Variants in RALYL observed in about 807,000 individuals in gnomAD.
RALYL encodes RNA-binding Raly-like protein.
A neutral mutation model predicts 35.1 loss-of-function variants in RALYL; 29 were observed. The observed-to-expected ratio is 0.83, with a 90% CI of 0.61 to 1.13. RALYL has a LOEUF of 1.13. Among genes scored for constraint, RALYL ranks in the 50% most tolerant of loss-of-function variants. The pLI is 0.00. For missense variants in RALYL, 359 were observed against 360.4 expected (o/e 1.00, Z 0.03); for synonymous variants, 120 against 127.6 (o/e 0.94, Z 0.40).
chr8:84,363,638 T>C (rs1304426836), intron 1 of RALYL, among the ~76,000 whole-genome samples: 1 of 152,156 alleles, frequency 6.6e-6, no homozygotes, highest in African/African-American at 2.4e-5. Context: ...TGGCCTTTGA[T>C]CTAACTCTTT....
chr8:84,902,359 G>A (rs1201950503), intron 8 of RALYL, among the ~76,000 whole-genome samples: 2 of 152,140 alleles, frequency 1.3e-5, no homozygotes, highest in African/African-American at 2.4e-5. Flanking sequence ...ACAGCACCAA[G>A]AGGATGGTGC....
chr8:84,416,647 GA>G (rs1222438272), intron 1 of RALYL, among the ~76,000 whole-genome samples: 10 of 152,046 alleles, frequency 6.6e-5, no homozygotes, highest in Non-Finnish European at 1.2e-4. Context: ...TTGTTTTCCT[GA>G]AGGTCATCAA....
At chr8:84,440,534 C>T (rs1587286798) in intron 1 of RALYL, among the ~76,000 whole-genome samples, 2 of 152,008 alleles carry the variant, frequency 1.3e-5, no homozygotes, top group East Asian at 1.9e-4. Flanking sequence ...TGTGTCCCAG[C>T]CCATAGTAAT....
intron 3 of RALYL, among the ~76,000 whole-genome samples, chr8:84,791,800 A>G (rs918477929): frequency 4.9e-4 from 74 of 152,174 alleles, no homozygotes; most frequent in African/African-American, 1.8e-3. Context: ...AAAAAAAAAC[A>G]TTTTTGTCAT....
chr8:84,372,550 C>G (rs1288757489), intron 1 of RALYL, among the ~76,000 whole-genome samples: 4 of 152,026 alleles, frequency 2.6e-5, no homozygotes, highest in Admixed American at 2.6e-4. Context: ...CCAGCCCTCA[C>G]AGCATAGGGA....
intron 1 of RALYL, among the ~76,000 whole-genome samples, chr8:84,318,087 T>A (rs1481679517): frequency 6.6e-6 from 1 of 152,192 alleles, no homozygotes; most frequent in Non-Finnish European, 1.5e-5. Context: ...TATGCCTCTA[T>A]GGTAGGACTG....
intron 4 of RALYL, among the ~76,000 whole-genome samples, chr8:84,827,738 T>C (rs1350338917): frequency 1.3e-5 from 2 of 152,048 alleles, no homozygotes; most frequent in African/African-American, 4.8e-5. Flanking sequence ...CATTTTCTGA[T>C]GAAAATGTTA....
At position 84,897,896 on chromosome 8, in the gene RALYL, G is replaced by T. The variant is rs1470677037; in HGVS notation, c.858+10120G>T. Among the ~76,000 whole-genome samples, 5 of 152,324 alleles carry T rather than the reference G, an allele frequency of 3.3e-5. No homozygotes were observed. In the East Asian group the frequency reaches 9.6e-4, roughly 29 times the overall value. On this transcript the variant is annotated intron_variant, in intron 8 of 8. Coordinates refer to ENST00000521268, the MANE Select transcript of RALYL (RefSeq NM_173848.7). ...GCAACCAGAACAAATAAGTAAAACA[G>T]TATGATAGGTAAAAATGTCACATAA...
intron 1 of RALYL, among the ~76,000 whole-genome samples, chr8:84,453,231 T>A (rs1254106872): frequency 1.3e-5 from 2 of 151,882 alleles, no homozygotes; most frequent in South Asian, 4.1e-4. Flanking sequence ...CACACATATA[T>A]AATTAGAGCT....
intron 2 of RALYL, among the ~76,000 whole-genome samples, chr8:84,637,647 G>C (rs1388355453): frequency 6.6e-6 from 1 of 151,856 alleles, no homozygotes; most frequent in Non-Finnish European, 1.5e-5. Context: ...ATGAGGGAAA[G>C]GTACTCAGTA....
Position 84,183,294 on chromosome 8 carries a change from G to A in RALYL, c.-1154G>A. On this transcript the variant is annotated 5_prime_UTR_variant, in exon 1 of 9. Coordinates refer to ENST00000521268, the MANE Select transcript of RALYL (RefSeq NM_173848.7). ...GGCTCACAGCGAAGGCAGCCTCGCC[G>A]CGAGCTGCCGCTGCCGCTGCTGCCG... 1 of 154,100 alleles carries A rather than the reference G, an allele frequency of 6.5e-6. No individual in the cohort carries two copies. Among genetic ancestry groups the A allele is most frequent in the Non-Finnish European group, 1.5e-5 (1 of 68,860 alleles). 9.5% of individuals were successfully genotyped at this position (154,100 alleles called of 1,614,324 possible).
chr8:84,871,406 A>G (rs1207962222), intron 6 of RALYL, among the ~76,000 whole-genome samples: 1 of 152,176 alleles, frequency 6.6e-6, no homozygotes, highest in Non-Finnish European at 1.5e-5. Flanking sequence ...ATATTCTGTT[A>G]GTTTTCAGCT....
chr8:84,474,078 C>G (rs1554683414), intron 1 of RALYL, among the ~76,000 whole-genome samples: 1 of 151,956 alleles, frequency 6.6e-6, no homozygotes, highest in Non-Finnish European at 1.5e-5. Context: ...GCTCTGATAT[C>G]AAATAAAAGA....
intron 1 of RALYL, among the ~76,000 whole-genome samples, chr8:84,293,497 T>A (rs1336095852): frequency 4.0e-5 from 6 of 151,734 alleles, no homozygotes; most frequent in African/African-American, 1.2e-4. Context: ...TTGGCCTGAT[T>A]TCACATGGTC....
chr8:84,756,177 A>T (rs1216970257), intron 2 of RALYL, among the ~76,000 whole-genome samples: 1 of 151,920 alleles, frequency 6.6e-6, no homozygotes, highest in African/African-American at 2.4e-5. Flanking sequence ...CAAAAAAACC[A>T]ATAAGATTAT....
chr8:84,570,404 C>T lies in RALYL; in HGVS notation c.256+40827C>T, dbSNP rs941089293. 7.9e-5 allele frequency among the ~76,000 whole-genome samples: 12 copies of T among 151,358 alleles called. No homozygotes were observed. In the South Asian group the frequency reaches 2.1e-3, roughly 26 times the overall value. ...CTTGAACATTATTGATGTGTAGAAA[C>T]GTTACTGAGTTGTGTACATTGATTT... On this transcript the variant is annotated intron_variant, in intron 2 of 8. Coordinates refer to ENST00000521268, the MANE Select transcript of RALYL (RefSeq NM_173848.7).
intron 2 of RALYL, among the ~76,000 whole-genome samples, chr8:84,606,357 C>T (rs760498850): frequency 6.6e-6 from 1 of 152,154 alleles, no homozygotes; most frequent in Non-Finnish European, 1.5e-5. Context: ...GCTTTGGTCA[C>T]TACTGACCTT....
intron 1 of RALYL, among the ~76,000 whole-genome samples, chr8:84,487,824 C>T (rs1456163656): frequency 6.6e-6 from 1 of 151,874 alleles, no homozygotes; most frequent in Non-Finnish European, 1.5e-5. Context: ...ATTTATTGAA[C>T]TGTGTTAATG....
intron 1 of RALYL, among the ~76,000 whole-genome samples, chr8:84,252,111 G>A (rs892291479): frequency 3.3e-5 from 5 of 151,978 alleles, no homozygotes; most frequent in East Asian, 3.9e-4. Flanking sequence ...ACATGGAACC[G>A]TTATATTTTT....
Sources: allele counts gnomAD v4.1 joint callset (sites outside exome capture counted in the v4.1 genomes callset), GRCh38; gene constraint gnomAD v4.1.1; transcripts MANE v1.5; gene names NCBI Gene and HGNC (gene_info 2026-07-23, HGNC 2026-07-21).